The following MRPL58 variants were observed in gnomAD, a reference collection of about 807,000 sequenced individuals.
MRPL58 encodes the protein large ribosomal subunit protein mL62.
A neutral mutation model predicts 26.0 loss-of-function variants in MRPL58; 17 were observed. The observed-to-expected ratio is 0.65, with a 90% confidence interval of 0.45 to 0.98. The LOEUF is 0.98. Ranked by LOEUF, MRPL58 falls within the 50% of genes least tolerant of loss-of-function variation. The pLI is 0.00. For synonymous variants in MRPL58, 100 were observed against 99.7 expected (o/e 1.00, Z -0.02); for missense variants, 250 against 269.0 (o/e 0.93, Z 0.49).
chr17:75,021,162 G>T lies in MRPL58; in HGVS notation c.*157G>T, dbSNP rs181532017. ...ACAAGAATGTTCATTTGGAATGAAG[G>T]CTGCAGGCACTGGTTGCAGACGTCT... On this transcript the variant is annotated 3_prime_UTR_variant, in exon 6 of 6. Coordinates refer to ENST00000301585, the MANE Select transcript of MRPL58 (RefSeq NM_001545.3). 171 of 619,590 alleles carry T rather than the reference G, an allele frequency of 2.8e-4. 2 individuals carry two copies. The highest frequency in any genetic ancestry group is 4.4e-4 in the Non-Finnish European group (149 of 341,380). 38.4% of individuals were successfully genotyped at this position (619,590 alleles called of 1,614,324 possible). A position where few individuals can be genotyped will look rare whatever the true frequency, so the allele number is the denominator to read the frequency against.
At chr17:75,014,324 T>C (rs1350931003) in intron 1 of MRPL58, among the ~76,000 whole-genome samples, 2 of 148,922 alleles carry the variant, frequency 1.3e-5, no homozygotes, top group Non-Finnish European at 3.0e-5. Context: ...TAGCTGGGAC[T>C]ACAGGCGCCC....
chr17:75,017,244 T>C (rs564153164), intron 2 of MRPL58, 130 bp downstream of exon 2: 1 of 710,226 alleles, frequency 1.4e-6, no homozygotes, highest in African/African-American at 1.8e-5. Flanking sequence ...TGGGCCGAGT[T>C]TGTGCCATTG....
rs1598667526 is a variant in MRPL58, at chr17:75,016,973, A to G, written c.187-105A>G. ...GCAGGGGACCTGAAAATACTAATGT[A>G]CAATGTTTGTGTTGTGGCTTTACAT... On this transcript the variant is annotated intron_variant, in intron 1 of 5. Coordinates refer to ENST00000301585, the MANE Select transcript of MRPL58 (RefSeq NM_001545.3). The G allele has an allele frequency of 5.9e-6, 5 of 854,414 alleles. No homozygotes were observed. In the East Asian group the frequency reaches 1.2e-4, roughly 21 times the overall value. 52.9% of individuals were successfully genotyped at this position (854,414 alleles called of 1,614,324 possible). A position where few individuals can be genotyped will look rare whatever the true frequency, so the allele number is the denominator to read the frequency against.
rs906088600 is a variant in MRPL58, at chr17:75,018,096, G to A, written c.223+982G>A. Among the ~76,000 whole-genome samples, 7 of 152,202 alleles carry A rather than the reference G, an allele frequency of 4.6e-5. No homozygotes were observed. The East Asian group carries it at 1.2e-3, about 25-fold the overall frequency. On this transcript the variant is annotated intron_variant, in intron 2 of 5. Coordinates refer to ENST00000301585, the MANE Select transcript of MRPL58 (RefSeq NM_001545.3). The stretch of plus-strand genomic sequence containing the variant: ...GTGGCCAGTCGCATCGTACTGTGCC[G>A]TGTGCCACGTGAGTGTAGAGCTCTT...
At chr17:75,013,060 G>A (rs1405747115) in intron 1 of MRPL58, among the ~76,000 whole-genome samples, 188 bp downstream of exon 1, 2 of 152,222 alleles carry the variant, frequency 1.3e-5, no homozygotes, top group Non-Finnish European at 2.9e-5. Context: ...GAGATGTGCA[G>A]GAGCCCGGAA....
At chr17:75,016,506 C>T (rs2039975441) in intron 1 of MRPL58, among the ~76,000 whole-genome samples, 1 of 152,070 alleles carries the variant, frequency 6.6e-6, no homozygotes, top group African/African-American at 2.4e-5. Flanking sequence ...GAGTGGGTGG[C>T]GTTTGCACTG....
At position 75,021,033 on chromosome 17, in the gene MRPL58, T is replaced by G; in HGVS notation, c.*28T>G. On this transcript the variant is annotated 3_prime_UTR_variant, in exon 6 of 6. Coordinates refer to ENST00000301585, the MANE Select transcript of MRPL58 (RefSeq NM_001545.3). ...TCACCCTCTGCAGCTGGGAGGGCTC[T>G]TCTGGGCGTCCGGGCAGCTGCAGCT... is the stretch of plus-strand genomic sequence containing the variant. 6.6e-7 allele frequency: 1 copy of G among 1,507,088 alleles called. No homozygotes were observed. Among genetic ancestry groups the G allele is most frequent in the Non-Finnish European group, 9.2e-7 (1 of 1,082,368 alleles). 93.4% of individuals were successfully genotyped at this position (1,507,088 alleles called of 1,614,324 possible).
At chr17:75,020,703 A>T in intron 5 of MRPL58, 46 bp downstream of exon 5, 1 of 1,575,238 alleles carries the variant, frequency 6.3e-7, no homozygotes, top group South Asian at 1.1e-5. Flanking sequence ...TTGTGTGGAC[A>T]AGAGTCTACA....
intron 1 of MRPL58, among the ~76,000 whole-genome samples, chr17:75,014,441 CT>C (rs35929744): frequency 1.0e-3 from 77 of 76,230 alleles, no homozygotes; most frequent in Non-Finnish European, 1.1e-3. Flanking sequence ...CCGCGCCAGG[CT>C]TTTTTTTTTT....
At position 75,021,106 on chromosome 17, in the gene MRPL58, G is replaced by A; in HGVS notation, c.*101G>A. 1 of 755,436 alleles carries A rather than the reference G, an allele frequency of 1.3e-6. No homozygotes were observed. The highest frequency in any genetic ancestry group is 2.3e-6 in the Non-Finnish European group (1 of 431,508). The allele number at this position is 755,436 out of a possible 1,614,324, so 46.8% of individuals were successfully genotyped here. On this transcript the variant is annotated 3_prime_UTR_variant, in exon 6 of 6. Coordinates refer to ENST00000301585, the MANE Select transcript of MRPL58 (RefSeq NM_001545.3). ...GAGATTTCTGTTTTTCTTTTTGGCT[G>A]TTAATGCTTGTCTATAACATTGGAG...
At chr17:75,018,233 C>CTTTTTTTTTTTTTTTTTTTTT (rs11381155) in intron 2 of MRPL58, among the ~76,000 whole-genome samples, 1 of 146,862 alleles carries the variant, frequency 6.8e-6, no homozygotes, top group African/African-American at 2.5e-5. Context: ...TCTGAAATAT[C>CTTTTTTTTTTTTTTTTTTTTT]TTTTTTTTTT....
At chr17:75,017,275 G>C (rs1197581221) in intron 2 of MRPL58, among the ~76,000 whole-genome samples, 161 bp downstream of exon 2, 1 of 148,398 alleles carries the variant, frequency 6.7e-6, no homozygotes, top group East Asian at 2.1e-4. Flanking sequence ...TGGGCAACGA[G>C]AGCAAAACTC....
At chr17:75,017,191 T>G (rs1306784866) in intron 2 of MRPL58, 77 bp downstream of exon 2, 1 of 1,132,072 alleles carries the variant, frequency 8.8e-7, no homozygotes, top group Non-Finnish European at 1.3e-6. Flanking sequence ...CTTGGGAGGC[T>G]GAGGCAGGAG....
Position 75,012,674 on chromosome 17 carries a change from G to T in MRPL58, c.-13G>T. 6.5e-7 allele frequency: 1 copy of T among 1,529,396 alleles called. No individual in the cohort carries two copies. The allele number at this position is 1,529,396 out of a possible 1,614,324, so 94.7% of individuals were successfully genotyped here. On this transcript the variant is annotated 5_prime_UTR_variant, in exon 1 of 6. Coordinates refer to ENST00000301585, the MANE Select transcript of MRPL58 (RefSeq NM_001545.3). The stretch of plus-strand genomic sequence containing the variant: ...GAGGAAGCGCCCGCCGGAAGCAGTC[G>T]CAAGACCTGAGCATGGCGGCCACCA...
chr17:75,020,056 A>AT (rs35323952), intron 3 of MRPL58, among the ~76,000 whole-genome samples: 2,125 of 123,684 alleles, frequency 0.017, 28 homozygotes, highest in South Asian at 0.065. Context: ...CATTCCCTCC[A>AT]TTTTTTTTTT....
Sources: gnomAD v4.1 joint callset for allele counts (sites outside exome capture counted in the v4.1 genomes callset) on GRCh38, gnomAD v4.1.1 for gene constraint, MANE v1.5 for transcripts, NCBI Gene and HGNC (gene_info 2026-07-23, HGNC 2026-07-21) for gene names.